GTF3C6: variants seen among roughly 807,000 people sequenced by gnomAD.
The protein encoded by GTF3C6 is general transcription factor IIIC subunit 6, also known as general transcription factor 3C polypeptide 6.
A neutral mutation model predicts 19.2 loss-of-function variants in GTF3C6; 11 were observed. The ratio of observed to expected loss-of-function variants is 0.57; its 90% CI spans 0.36 to 0.95. The LOEUF (loss-of-function observed/expected upper bound fraction) is 0.95. Among genes scored for constraint, GTF3C6 ranks in the 40% least tolerant of loss-of-function variants. The pLI is 0.01. For synonymous variants in GTF3C6, 87 were observed against 84.2 expected (o/e 1.03, Z -0.18); for missense variants, 222 against 254.7 (o/e 0.87, Z 0.87).
intron 5 of GTF3C6, 139 bp from the exon 6 acceptor site, chr6:110,967,371 C>T: frequency 2.8e-6 from 2 of 718,050 alleles, no homozygotes; most frequent in Non-Finnish European, 4.5e-6. Flanking sequence ...TCAGTAGTTA[C>T]AGACACCATA....
intron 1 of GTF3C6, 65 bp downstream of exon 1, chr6:110,958,891 G>A (rs1286407793): frequency 9.9e-6 from 15 of 1,509,222 alleles, no homozygotes; most frequent in Non-Finnish European, 1.3e-5. Flanking sequence ...GCTGTGTGTG[G>A]GGAAGGGAGT....
chr6:110,965,948 A>G (rs9372278), intron 5 of GTF3C6, among the ~76,000 whole-genome samples: 37,633 of 152,122 alleles, frequency 0.25, 5,376 homozygotes, highest in East Asian at 0.65. Flanking sequence ...TCAAAATGTT[A>G]TCTAGGCTGC....
At chr6:110,963,408 TTC>T (rs148353762) in intron 5 of GTF3C6, among the ~76,000 whole-genome samples, 3,766 of 152,178 alleles carry the variant, frequency 0.025, 134 homozygotes, top group African/African-American at 0.088. Flanking sequence ...TCAGTAGTGC[TTC>T]TCTGTCTCTC....
In GTF3C6 at chr6:110,960,503, C is replaced by T. The variant is rs577038017; in HGVS notation, c.202+26C>T. The T allele has an allele frequency of 1.8e-5, 29 of 1,609,698 alleles. No homozygotes were observed. The South Asian group carries it at 2.1e-4, about 12-fold the overall frequency. On this transcript the variant is annotated intron_variant, in intron 3 of 5. Coordinates refer to ENST00000329970, the MANE Select transcript of GTF3C6 (RefSeq NM_138408.4). ...GTAGGAGGATGTCAGATAGATGGAA[C>T]TCTTTCTGATATGGGCTTTTCAGAG...
Position 110,958,782 on chromosome 6 carries a change from G to C in GTF3C6, c.13G>C (p.Ala5Pro). 1.3e-6 allele frequency: 2 copies of C among 1,551,028 alleles called. No individual in the cohort carries two copies. Among genetic ancestry groups the C allele is most frequent in the Non-Finnish European group, 1.7e-6 (2 of 1,146,954 alleles). Residue 5 changes from alanine to proline, a missense_variant, in exon 1 of 6, where the codon GCG (alanine) becomes CCG (proline). Ala to Pro is a conservative substitution (Grantham distance 27, BLOSUM62 -1). Coordinates refer to ENST00000329970, the MANE Select transcript of GTF3C6 (RefSeq NM_138408.4). Reference sequence around the variant, plus strand: ...GCGCCGCGGGACCATGGCGGCGGCGGCGGACGAGCGGAGTCCAGAGGACGG... The same window carrying C: ...GCGCCGCGGGACCATGGCGGCGGCGCCGGACGAGCGGAGTCCAGAGGACGG... MAAAADERSPEDGED... is the reference protein window; with the variant it reads MAAAPDERSPEDGED...
chr6:110,963,793 T>C (rs3862836), intron 5 of GTF3C6, among the ~76,000 whole-genome samples: 37,217 of 151,014 alleles, frequency 0.25, 5,266 homozygotes, highest in East Asian at 0.65. Flanking sequence ...TCTCCACCTC[T>C]TGGGTGCAAG....
rs571105219 is a variant in GTF3C6 at position 110,958,766 on chromosome 6, G to A, written c.-4G>A. The A allele has an allele frequency of 7.9e-5, 123 of 1,550,886 alleles. No homozygotes were observed. Among genetic ancestry groups the A allele is most frequent in the Non-Finnish European group, 1.0e-4 (115 of 1,146,934 alleles). ...GTGACTAGAAGGCGAGGCGCCGCGG[G>A]ACCATGGCGGCGGCGGCGGACGAGC... On this transcript the variant is annotated 5_prime_UTR_variant, in exon 1 of 6. Transcript: ENST00000329970.
chr6:110,960,206 A>T (rs1771142106), intron 2 of GTF3C6, among the ~76,000 whole-genome samples: 1 of 152,202 alleles, frequency 6.6e-6, no homozygotes, highest in African/African-American at 2.4e-5. Flanking sequence ...GTTGATTGAA[A>T]TAAACCTTGT....
At chr6:110,962,774 C>T (rs9374229) in intron 5 of GTF3C6, among the ~76,000 whole-genome samples, 31,152 of 142,210 alleles carry the variant, frequency 0.22, 3,499 homozygotes, top group East Asian at 0.44. Context: ...AGCCAATTTT[C>T]TTTTTTTTTC....
At position 110,959,520 on chromosome 6, in the gene GTF3C6, A is replaced by AT. The variant is rs1490018064; in HGVS notation, c.138+271dup. On this transcript the variant is annotated intron_variant, in intron 2 of 5. Coordinates refer to ENST00000329970, the MANE Select transcript of GTF3C6 (RefSeq NM_138408.4). ...TGTGTGGCTGAAGAGAAAGTTACAG[A>AT]TTTGGAGGAAGTAACATTGTGATAT... is the stretch of plus-strand genomic sequence containing the variant. 4.6e-5 allele frequency among the ~76,000 whole-genome samples: 7 copies of AT among 152,144 alleles called. No homozygotes were observed. In the East Asian group the frequency reaches 1.3e-3, roughly 29 times the overall value.
chr6:110,967,574 C>A lies in GTF3C6; in HGVS notation c.426C>A (p.Asn142Lys). ...CCTATCGACCCAACATGATTTGTAACTTTCTACATGAAAATGAAGACGAAG... is the reference window on the plus strand; with the variant it reads ...CCTATCGACCCAACATGATTTGTAAATTTCTACATGAAAATGAAGACGAAG... ...DFSYRPNMIC[N>K]FLHENEDEEV... is the part of the protein sequence containing the mutation. The change falls in exon 6 of 6, where the codon AAC becomes AAA. Residue 142 changes from asparagine (N) to lysine (K), a missense_variant. Transcript: ENST00000329970. The A allele has an allele frequency of 6.2e-7, 1 of 1,613,962 alleles. No homozygotes were observed. The highest frequency in any genetic ancestry group is 1.1e-5 in the South Asian group (1 of 91,074).
At chr6:110,967,158 A>G (rs545858230) in intron 5 of GTF3C6, among the ~76,000 whole-genome samples, 69 of 152,132 alleles carry the variant, frequency 4.5e-4, no homozygotes, top group Admixed American at 4.4e-3. Flanking sequence ...TGTCTTAAAA[A>G]AAAAAACATT....
In GTF3C6 at chr6:110,966,104, AGCTG is replaced by A. The variant is rs1771226208; in HGVS notation, c.362-1402_362-1399del. On this transcript the variant is annotated intron_variant, in intron 5 of 5. Coordinates refer to ENST00000329970, the MANE Select transcript of GTF3C6 (RefSeq NM_138408.4). Reference sequence around the variant, plus strand: ...TGTTTGAATGTCCTCCTGATATGGCAGCTGGCTTCTCTCAGATAAAGTATTCCAA... The same window carrying A: ...TGTTTGAATGTCCTCCTGATATGGCAGCTTCTCTCAGATAAAGTATTCCAA... Among the ~76,000 whole-genome samples, 4 of 152,216 alleles carry A rather than the reference AGCTG, an allele frequency of 2.6e-5. No homozygotes were observed. The South Asian group carries it at 8.3e-4, about 31-fold the overall frequency.
chr6:110,959,858 G>A (rs1008793946), intron 2 of GTF3C6, among the ~76,000 whole-genome samples: 1 of 152,076 alleles, frequency 6.6e-6, no homozygotes, highest in Non-Finnish European at 1.5e-5. Context: ...TCGGGAGGCC[G>A]AGACAGGAGA....
chr6:110,964,792 C>T (rs1042741217), intron 5 of GTF3C6, among the ~76,000 whole-genome samples: 4 of 151,770 alleles, frequency 2.6e-5, no homozygotes, highest in African/African-American at 9.7e-5. Context: ...CAGGTGCCCA[C>T]CACCACGCCC....
rs1771173253 is a variant in GTF3C6 at position 110,962,483 on chromosome 6, G to A, written c.339G>A (p.Lys113=). The A allele has an allele frequency of 1.3e-6, 2 of 1,596,836 alleles. No individual in the cohort carries two copies. Among genetic ancestry groups the A allele is most frequent in the African/African-American group, 1.3e-5 (1 of 74,580 alleles). ...TGACAAGAACTCTCCTGACAGAGAA[G>A]AAGGAAGGAGAAGAAAACATAGGTT... ...LSMTRTLLTE[K]KEGEENIGGV... The change falls in exon 5 of 6, where the codon AAG becomes AAA. Residue 113 remains lysine, a synonymous_variant. Coordinates refer to ENST00000329970, the MANE Select transcript of GTF3C6 (RefSeq NM_138408.4).
intron 4 of GTF3C6, among the ~76,000 whole-genome samples, chr6:110,961,918 T>C (rs1771165748): frequency 7.2e-6 from 1 of 138,774 alleles, no homozygotes; most frequent in African/African-American, 2.8e-5. Flanking sequence ...TTTTTTTTTT[T>C]CTTGAGACAG....
chr6:110,962,769 A>G (rs896744471), intron 5 of GTF3C6, among the ~76,000 whole-genome samples: 76 of 148,972 alleles, frequency 5.1e-4, no homozygotes, highest in African/African-American at 1.7e-3. Flanking sequence ...CGCCCAGCCA[A>G]TTTTCTTTTT....
At chr6:110,961,822 T>G (rs890546493) in intron 4 of GTF3C6, among the ~76,000 whole-genome samples, 3 of 152,234 alleles carry the variant, frequency 2.0e-5, no homozygotes, top group African/African-American at 7.2e-5. Context: ...CCTATGGGTT[T>G]AATCTCACTC....
Sources: gnomAD v4.1 joint callset for allele counts (sites outside exome capture counted in the v4.1 genomes callset) on GRCh38, gnomAD v4.1.1 for gene constraint, MANE v1.5 for transcripts, NCBI Gene and HGNC (gene_info 2026-07-23, HGNC 2026-07-21) for gene names.